The following GSG1L variants were observed in gnomAD, a reference collection of about 807,000 sequenced individuals.
The protein encoded by GSG1L is GSG1 like.
Under a neutral mutation model 42.1 loss-of-function variants are expected in GSG1L, and 24 were observed. The observed-to-expected ratio is 0.57, with a 90% CI of 0.41 to 0.80. The LOEUF (loss-of-function observed/expected upper bound fraction) is 0.80, where lower values mean the gene tolerates loss of function less well. Among genes scored for constraint, GSG1L ranks in the 30% least tolerant of loss-of-function variants. The pLI, the probability that GSG1L is intolerant of heterozygous loss-of-function variation, is 0.00. For missense variants in GSG1L, 445 were observed against 472.2 expected (o/e 0.94, Z 0.53); for synonymous variants, 215 against 203.5 (o/e 1.06, Z -0.48).
At chr16:27,979,686 A>G (rs866029047) in intron 1 of GSG1L, among the ~76,000 whole-genome samples, 1,018 of 39,818 alleles carry the variant, frequency 0.026, 66 homozygotes, top group African/African-American at 0.071. Context: ...AGAGAAAGAA[A>G]GAAGGAAGGA....
intron 4 of GSG1L, among the ~76,000 whole-genome samples, chr16:27,843,504 TA>T (rs55755431): frequency 3.7e-3 from 282 of 75,922 alleles, no homozygotes; most frequent in Middle Eastern, 9.4e-3. Flanking sequence ...AGAGACTCTG[TA>T]AAAAAAAAAA....
chr16:27,922,322 C>A (rs781108798), intron 2 of GSG1L, among the ~76,000 whole-genome samples: 2 of 152,198 alleles, frequency 1.3e-5, no homozygotes, highest in Non-Finnish European at 2.9e-5. Context: ...TGTTCTATTT[C>A]TCTCAACAAA....
chr16:27,901,863 CCT>C, intron 2 of GSG1L, among the ~76,000 whole-genome samples: 1 of 152,342 alleles, frequency 6.6e-6, no homozygotes, highest in African/African-American at 2.4e-5. Context: ...CACACTCCAG[CCT>C]CATGGGCAGC....
intron 3 of GSG1L, among the ~76,000 whole-genome samples, chr16:27,868,172 C>G (rs1408932088): frequency 6.6e-6 from 1 of 152,222 alleles, no homozygotes; most frequent in Non-Finnish European, 1.5e-5. Context: ...TAGCAACATG[C>G]AAAGGATGTG....
At chr16:28,022,479 A>ATTT (rs11318488) in intron 1 of GSG1L, among the ~76,000 whole-genome samples, 1,896 of 141,840 alleles carry the variant, frequency 0.013, 52 homozygotes, top group African/African-American at 0.047. Flanking sequence ...CAACCAGCTA[A>ATTT]TTTTTTTTTT....
At chr16:27,797,948 G>A (rs1166489067) in intron 6 of GSG1L, among the ~76,000 whole-genome samples, 3 of 151,764 alleles carry the variant, frequency 2.0e-5, no homozygotes, top group African/African-American at 7.3e-5. Context: ...AGTATCACAT[G>A]TTCTCATTTG....
chr16:27,833,173 C>T (rs781369748), intron 4 of GSG1L, among the ~76,000 whole-genome samples: 1 of 152,060 alleles, frequency 6.6e-6, no homozygotes, highest in Non-Finnish European at 1.5e-5. Context: ...TTATTTTTGC[C>T]AGTGAATGTC....
intron 1 of GSG1L, among the ~76,000 whole-genome samples, chr16:27,972,071 C>G (rs1239776356): frequency 2.6e-5 from 4 of 152,206 alleles, no homozygotes; most frequent in Non-Finnish European, 5.9e-5. Flanking sequence ...AATTTCCTAC[C>G]AGAACCAGAT....
At chr16:27,965,119 A>T (rs1040777637) in intron 1 of GSG1L, among the ~76,000 whole-genome samples, 45 of 152,134 alleles carry the variant, frequency 3.0e-4, no homozygotes, top group Non-Finnish European at 5.6e-4. Flanking sequence ...CCTGGGTTGA[A>T]GCAATTCTCC....
At chr16:28,039,963 T>A (rs2086088775) in intron 1 of GSG1L, among the ~76,000 whole-genome samples, 1 of 152,124 alleles carries the variant, frequency 6.6e-6, no homozygotes, top group Admixed American at 6.5e-5. Context: ...CGCCCCTCCC[T>A]CGTTTTTCTC....
chr16:28,026,927 C>A (rs532681675), intron 1 of GSG1L, among the ~76,000 whole-genome samples: 60 of 152,168 alleles, frequency 3.9e-4, no homozygotes, highest in African/African-American at 1.2e-3. Flanking sequence ...ACTAAAAATA[C>A]AAAAATTAGC....
intron 1 of GSG1L, among the ~76,000 whole-genome samples, chr16:27,967,877 C>G (rs2085152472): frequency 6.6e-6 from 1 of 152,166 alleles, no homozygotes; most frequent in Non-Finnish European, 1.5e-5. Flanking sequence ...CGCACCACTG[C>G]AGTCCAACCT....
At chr16:28,051,533 G>A (rs951420780) in intron 1 of GSG1L, among the ~76,000 whole-genome samples, 13 of 151,258 alleles carry the variant, frequency 8.6e-5, no homozygotes, top group African/African-American at 2.2e-4. Flanking sequence ...AACAAGCTGC[G>A]TAGTGGAATA....
intron 1 of GSG1L, among the ~76,000 whole-genome samples, chr16:28,009,898 A>T (rs1470177942): frequency 6.6e-6 from 1 of 152,250 alleles, no homozygotes; most frequent in Non-Finnish European, 1.5e-5. Context: ...CTGGCACCAG[A>T]ATTCCTCTTG....
At chr16:28,012,460 A>T (rs570307179) in intron 1 of GSG1L, among the ~76,000 whole-genome samples, 72 of 152,330 alleles carry the variant, frequency 4.7e-4, no homozygotes, top group African/African-American at 1.7e-3. Flanking sequence ...TAAATATTTA[A>T]CATGTGTAGA....
chr16:27,884,552 G>A lies in GSG1L; in HGVS notation c.484C>T (p.His162Tyr), dbSNP rs146616399. The A allele has an allele frequency of 1.5e-5, 24 of 1,613,828 alleles. No homozygotes were observed. Among genetic ancestry groups the A allele is most frequent in the East Asian group, 2.2e-5 (1 of 44,882 alleles). The change falls in exon 3 of 7, where the codon CAC (histidine) becomes TAC (tyrosine). Residue 162 changes from histidine to tyrosine, a missense_variant. Physicochemically the swap from His to Tyr is moderately conservative, Grantham distance 83. Around this residue, in one of 3 missense-constraint regions of GSG1L, gnomAD observed 149 missense variants for 223.3 expected, o/e 0.67. Transcript: ENST00000447459. This position sits in a 1 kb window ranked among gnomAD's most constrained non-coding sequence, Gnocchi z 4.4. The stretch of plus-strand genomic sequence containing the variant: ...AGCCCGTCGATGACATTGCTGGAGT[G>A]GAAGAGCTCGAGACACATGAGGCTG... Reference protein sequence around the residue: ...GFSLMCLELFHSSNVIDGLKL... With the variant: ...GFSLMCLELFYSSNVIDGLKL...
chr16:27,960,707 G>A (rs759671105), intron 2 of GSG1L, among the ~76,000 whole-genome samples: 6 of 152,160 alleles, frequency 3.9e-5, no homozygotes, highest in African/African-American at 7.2e-5. Flanking sequence ...GGCTGGGCCC[G>A]TATACATGGG....
intron 1 of GSG1L, among the ~76,000 whole-genome samples, chr16:27,980,898 A>AACC (rs1267114027): frequency 9.8e-5 from 11 of 111,884 alleles, no homozygotes; most frequent in African/African-American, 3.6e-4. Flanking sequence ...AAAAACCAAA[A>AACC]AACAAAAAAA....
intron 2 of GSG1L, among the ~76,000 whole-genome samples, chr16:27,938,223 T>C (rs1457699470): frequency 6.7e-6 from 1 of 149,178 alleles, no homozygotes; most frequent in Non-Finnish European, 1.5e-5. Context: ...GGATGGGGAG[T>C]GCACCATTGT....
Sources: gnomAD v4.1 joint callset for allele counts (sites outside exome capture counted in the v4.1 genomes callset) on GRCh38, gnomAD v4.1.1 for gene constraint, gnomAD v4.1.1 regional missense constraint, Gnocchi (gnomAD v3.1) non-coding constraint, MANE v1.5 for transcripts, NCBI Gene and HGNC (gene_info 2026-07-23, HGNC 2026-07-21) for gene names.